The following EOLA1 variants were observed in gnomAD, a reference collection of about 807,000 sequenced individuals.
EOLA1 encodes protein EOLA1.
EOLA1 carries 1 observed loss-of-function variant against 4.5 expected under a neutral mutation model. The observed-to-expected ratio is 0.22, with a 90% CI of 0.08 to 1.05. The LOEUF is 1.05. EOLA1 is among the 50% of genes least tolerant of loss of function. EOLA1 has a pLI of 0.57. For missense variants in EOLA1, 69 were observed against 127.2 expected (o/e 0.54, Z 2.20); for synonymous variants, 37 against 52.3 (o/e 0.71, Z 1.26).
At chrX:149,543,818 T>A (rs2089778387) in intron 2 of EOLA1, among the ~76,000 whole-genome samples, 1 of 89,325 alleles carries the variant, frequency 1.1e-5, no homozygotes, top group East Asian at 3.0e-4. Context: ...CACCACGGGA[T>A]TCAGAGCAGG....
chrX:149,542,022 A>C lies in EOLA1; in HGVS notation c.-226A>C, dbSNP rs1602790523. The C allele has an allele frequency of 1.3e-6, 1 of 752,562 alleles. No homozygotes were observed. The highest frequency in any genetic ancestry group is 1.6e-6 in the Non-Finnish European group (1 of 636,961). 62.0% of individuals were successfully genotyped at this position (752,562 alleles called of 1,213,427 possible). On this transcript the variant is annotated 5_prime_UTR_variant, in exon 2 of 5. An upstream open reading frame in the 5' UTR loses its in-frame stop. Transcript: ENST00000393985. ...CTTTATCTTCCTTGTTGTGCAGGTA[A>C]AGAAGCTAAGTGGAAGAGTGTTTCC...
intron 1 of EOLA1, 193 bp from the exon 2 acceptor site, chrX:149,541,826 G>T: frequency 1.3e-6 from 1 of 746,508 alleles, no homozygotes; most frequent in Non-Finnish European, 1.6e-6. Context: ...ACCCAGACAG[G>T]TGCGGAGGGT....
intron 1 of EOLA1, 55 bp from the exon 2 acceptor site, chrX:149,541,964 A>G (rs1297551627): frequency 1.2e-5 from 8 of 675,559 alleles, no homozygotes; most frequent in Non-Finnish European, 1.4e-5. Context: ...GCCATTAACC[A>G]GCTTTGCTGT....
rs1387366202 is a variant in EOLA1, at chrX:149,545,464, G to C, written c.-66G>C. On this transcript the variant is annotated 5_prime_UTR_variant, in exon 3 of 5. Coordinates refer to ENST00000393985, the MANE Select transcript of EOLA1 (RefSeq NM_001171907.3). ...CTTCCCTTGGGCCTGCTGTGGTGCT[G>C]GACATCAGTGACAGACGGAAGCAGG... The C allele has an allele frequency of 3.5e-5, 38 of 1,099,953 alleles. No homozygotes were observed. Among genetic ancestry groups the C allele is most frequent in the Admixed American group, 2.2e-4 (6 of 27,706 alleles). 90.6% of individuals were successfully genotyped at this position (1,099,953 alleles called of 1,213,427 possible).
At chrX:149,545,276 A>T in intron 2 of EOLA1, 92 bp from the exon 3 acceptor site, 2 of 832,921 alleles carry the variant, frequency 2.4e-6, no homozygotes, top group Non-Finnish European at 2.9e-6. Flanking sequence ...TGGCTAGGCC[A>T]AGGGGGCCCT....
downstream of EOLA1, chrX:149,549,437 C>A: frequency 8.6e-7 from 1 of 1,164,981 alleles, no homozygotes; most frequent in Non-Finnish European, 1.1e-6. Flanking sequence ...GTTCAGCTGG[C>A]GAATGAAACT....
At chrX:149,543,609 G>A (rs2089774167) in intron 2 of EOLA1, among the ~76,000 whole-genome samples, 1 of 88,080 alleles carries the variant, frequency 1.1e-5, no homozygotes, top group South Asian at 5.5e-4. Context: ...GTCGGTTTTG[G>A]ACACAGTGCC....
intron 2 of EOLA1, among the ~76,000 whole-genome samples, chrX:149,542,566 C>G (rs1264746842): frequency 9.1e-6 from 1 of 109,761 alleles, no homozygotes; most frequent in Admixed American, 9.7e-5. Context: ...AAGTGGGAAG[C>G]AACTTGTAAC....
rs1242954267 is a variant in EOLA1, at chrX:149,545,391, G to A, written c.-139G>A. 7.5e-5 allele frequency: 80 copies of A among 1,069,063 alleles called. No individual in the cohort carries two copies. The highest frequency in any genetic ancestry group is 2.8e-4 in the Admixed American group (7 of 25,340). The allele number at this position is 1,069,063 out of a possible 1,213,427, so 88.1% of individuals were successfully genotyped here. A position where few individuals can be genotyped will look rare whatever the true frequency, so the allele number is the denominator to read the frequency against. Reference sequence around the variant, plus strand: ...AGCTGTCCCCGCCCTACTCCGGACCGCCCCAAAGACTCCATGGGATGGACC... The same window carrying A: ...AGCTGTCCCCGCCCTACTCCGGACCACCCCAAAGACTCCATGGGATGGACC... On this transcript the variant is annotated 5_prime_UTR_variant, in exon 3 of 5. Coordinates refer to ENST00000393985, the MANE Select transcript of EOLA1 (RefSeq NM_001171907.3).
rs1281229487 is a variant in EOLA1 at position 149,541,246 on chromosome X, G to C, written c.-327G>C. On this transcript the variant is annotated 5_prime_UTR_variant, in exon 1 of 5. Transcript: ENST00000393985. ...AGTCGGCCCTAGACACCCACGACTC[G>C]CAGGGTCCATGGTTCCGGAGGCCGT... The C allele has an allele frequency of 1.8e-5, 2 of 113,608 alleles. No homozygotes were observed. Among genetic ancestry groups the C allele is most frequent in the Non-Finnish European group, 3.7e-5 (2 of 53,341 alleles). The allele number at this position is 113,608 out of a possible 1,213,427, so 9.4% of individuals were successfully genotyped here. A position where few individuals can be genotyped will look rare whatever the true frequency, so the allele number is the denominator to read the frequency against.
At chrX:149,540,841 G>C (rs1467863328), upstream of EOLA1, 2 of 112,595 alleles carry the variant, frequency 1.8e-5, no homozygotes, top group Non-Finnish European at 3.7e-5. Flanking sequence ...GCGTGCGTAC[G>C]TGCGTGATGT....
Position 149,542,035 on chromosome X carries a change from G to A in EOLA1, c.-213G>A, listed in dbSNP as rs183892498. On this transcript the variant is annotated 5_prime_UTR_variant, in exon 2 of 5. Transcript: ENST00000393985. Reference sequence around the variant, plus strand: ...GTTGTGCAGGTAAAGAAGCTAAGTGGAAGAGTGTTTCCTCCTCTGGCCGTA... The same window carrying A: ...GTTGTGCAGGTAAAGAAGCTAAGTGAAAGAGTGTTTCCTCCTCTGGCCGTA... The A allele has an allele frequency of 3.9e-4, 295 of 753,225 alleles. No individual in the cohort carries two copies. The African/African-American group carries it at 4.3e-3, about 11-fold the overall frequency. 62.1% of individuals were successfully genotyped at this position (753,225 alleles called of 1,213,427 possible).
intron 1 of EOLA1, 64 bp downstream of exon 1, chrX:149,541,407 C>T (rs1243471750): frequency 8.8e-6 from 1 of 113,442 alleles, no homozygotes; most frequent in Admixed American, 9.3e-5. Flanking sequence ...GCGACCGAGG[C>T]GCCTTTTCCT....
At chrX:149,544,611 A>G in intron 2 of EOLA1, 1 of 752,863 alleles carries the variant, frequency 1.3e-6, no homozygotes, top group Admixed American at 8.6e-5. Flanking sequence ...AGAGTCTATG[A>G]CTGGGCTGAG....
chrX:149,547,754 A>G lies in EOLA1; in HGVS notation c.*792A>G. ...GGATGATGGGCATTTCCCCCCAGGT[A>G]TTGACTGCAGTGGCCCTTCTCTTCT... is the stretch of plus-strand genomic sequence containing the variant. On this transcript the variant is annotated 3_prime_UTR_variant, in exon 5 of 5. Coordinates refer to ENST00000393985, the MANE Select transcript of EOLA1 (RefSeq NM_001171907.3). The G allele has an allele frequency of 4.2e-6, 1 of 239,168 alleles. No homozygotes were observed. Among genetic ancestry groups the G allele is most frequent in the Non-Finnish European group, 5.5e-6 (1 of 180,647 alleles). 19.7% of individuals were successfully genotyped at this position (239,168 alleles called of 1,213,427 possible).
Position 149,545,778 on chromosome X carries a change from G to A in EOLA1, c.148G>A (p.Gly50Ser), listed in dbSNP as rs1414311681. 19 of 1,210,643 alleles carry A rather than the reference G, an allele frequency of 1.6e-5. No homozygotes were observed. Among genetic ancestry groups the A allele is most frequent in the Non-Finnish European group, 2.1e-5 (19 of 895,148 alleles). ...AVHIAHRDWEGDAWRELLVER... is the reference protein window; with the variant it reads ...AVHIAHRDWESDAWRELLVER... ...CCACATTGCTCACAGGGACTGGGAA[G>A]GCGATGCCTGGCGGGAGCTGCTGGT... Residue 50 changes from glycine (G) to serine (S), a missense_variant, in exon 4 of 5, where the codon GGC becomes AGC. Gly to Ser is a moderately conservative substitution (Grantham distance 56). Transcript: ENST00000393985.
At chrX:149,542,972 A>ATCTCTGCGTTTATCTTCTCATGGTGT (rs2089757937) in intron 2 of EOLA1, among the ~76,000 whole-genome samples, 3 of 62,129 alleles carry the variant, frequency 4.8e-5, no homozygotes, top group Non-Finnish European at 8.7e-5. Flanking sequence ...CATCTCCCTT[A>ATCTCTGCGTTTATCTTCTCATGGTGT]TCTCTGCGTT....
At chrX:149,544,498 A>T (rs610313) in intron 2 of EOLA1, 1 of 749,784 alleles carries the variant, frequency 1.3e-6, no homozygotes, top group Non-Finnish European at 1.6e-6. Flanking sequence ...GGGTGAGGGC[A>T]GCCACTATTT....
At chrX:149,541,965 G>A (rs1602790395) in intron 1 of EOLA1, 54 bp from the exon 2 acceptor site, 1 of 680,771 alleles carries the variant, frequency 1.5e-6, no homozygotes, top group African/African-American at 2.4e-5. Context: ...CCATTAACCA[G>A]CTTTGCTGTC....
Sources: allele counts gnomAD v4.1 joint callset (sites outside exome capture counted in the v4.1 genomes callset), GRCh38; gene constraint gnomAD v4.1.1; transcripts MANE v1.5; gene names NCBI Gene and HGNC (gene_info 2026-07-23, HGNC 2026-07-21).